Variants in ESR1 observed in about 807,000 individuals in gnomAD.
ESR1 encodes the protein estrogen receptor.
In ESR1, 12 loss-of-function variants were observed where a neutral mutation model predicts 52.7. The observed-to-expected ratio is 0.23, with a 90% confidence interval of 0.15 to 0.37. The LOEUF is 0.37. Ranked by LOEUF, ESR1 falls within the 10% of genes least tolerant of loss-of-function variation. The pLI, the probability that ESR1 is intolerant of heterozygous loss-of-function variation, is 1.00. For missense variants in ESR1, 584 were observed against 779.7 expected (o/e 0.75, Z 2.99); for synonymous variants, 305 against 316.8 (o/e 0.96, Z 0.39).
intron 3 of ESR1, among the ~76,000 whole-genome samples, chr6:151,931,496 C>T (rs944406637): frequency 1.3e-5 from 2 of 151,772 alleles, no homozygotes; most frequent in African/African-American, 4.8e-5. Context: ...TACATGTGCA[C>T]ATTGTGCAGG....
chr6:151,779,807 AATGTGGCGCGT>A, intron 2 of ESR1, among the ~76,000 whole-genome samples: 1 of 131,876 alleles, frequency 7.6e-6, no homozygotes. Flanking sequence ...GAATAAAGAA[AATGTGGCGCGT>A]GAACCCGGGA....
chr6:151,997,272 A>C (rs2041579698), intron 4 of ESR1, among the ~76,000 whole-genome samples: 1 of 152,146 alleles, frequency 6.6e-6, no homozygotes, highest in Non-Finnish European at 1.5e-5. Flanking sequence ...AAATCCATTC[A>C]ATCAACACTG....
In ESR1 at chr6:151,834,662, A is replaced by T. The variant is rs895135442; in HGVS notation, c.453-7935A>T. On this transcript the variant is annotated intron_variant, in intron 1 of 7. Transcript: ENST00000206249. ...GTGTATACCTATGTAACAAACTTGC[A>T]CATTCTGCACATGTATCCCAGAACT... Among the ~76,000 whole-genome samples the T allele has an allele frequency of 3.9e-5, 6 of 152,276 alleles. 1 individual carries two copies. Among genetic ancestry groups the T allele is most frequent in the East Asian group, 1.9e-4 (1 of 5,186 alleles).
At chr6:152,063,297 T>C (rs1426266830) in intron 6 of ESR1, among the ~76,000 whole-genome samples, 1 of 152,216 alleles carries the variant, frequency 6.6e-6, no homozygotes, top group East Asian at 1.9e-4. Context: ...TAGTTTATAG[T>C]TGTCTTTTTC....
At chr6:151,930,927 C>T (rs1237033827) in intron 3 of ESR1, among the ~76,000 whole-genome samples, 1 of 152,092 alleles carries the variant, frequency 6.6e-6, no homozygotes, top group Non-Finnish European at 1.5e-5. Flanking sequence ...AGGTGCTTCC[C>T]TGCCCTGGCT....
intron 6 of ESR1, among the ~76,000 whole-genome samples, chr6:152,064,954 A>G (rs1195964754): frequency 2.0e-5 from 3 of 152,180 alleles, no homozygotes; most frequent in Non-Finnish European, 4.4e-5. Context: ...GTTATTGTGG[A>G]TAAGGGGGAA....
At chr6:151,753,534 T>G (rs1409372541) in intron 2 of ESR1, among the ~76,000 whole-genome samples, 1 of 152,084 alleles carries the variant, frequency 6.6e-6, no homozygotes, top group Admixed American at 6.6e-5. Context: ...ACTAGGGTGG[T>G]CTCAAACTCC....
intron 1 of ESR1, among the ~76,000 whole-genome samples, chr6:151,820,349 A>C (rs1185150430): frequency 6.6e-6 from 1 of 152,224 alleles, no homozygotes; most frequent in African/African-American, 2.4e-5. Context: ...CAGAGAAATA[A>C]CTTAAAGAAC....
intron 2 of ESR1, among the ~76,000 whole-genome samples, 157 bp from the exon 3 acceptor site, chr6:151,880,498 G>GCACT (rs1252018308): frequency 6.6e-6 from 1 of 152,068 alleles, no homozygotes; most frequent in Non-Finnish European, 1.5e-5. Flanking sequence ...GGTTTTGTTT[G>GCACT]CACTTCAAGA....
chr6:151,673,415 C>T (rs529673981), intron 1 of ESR1, among the ~76,000 whole-genome samples: 1 of 152,300 alleles, frequency 6.6e-6, no homozygotes, highest in South Asian at 2.1e-4. Context: ...CATAATCTCT[C>T]TATCTTGTTT....
At chr6:151,880,275 C>A (rs1311817078) in intron 2 of ESR1, among the ~76,000 whole-genome samples, 1 of 150,438 alleles carries the variant, frequency 6.6e-6, no homozygotes, top group Non-Finnish European at 1.5e-5. Flanking sequence ...CTCCGCCTCC[C>A]GGGTTCAAGC....
intron 2 of ESR1, among the ~76,000 whole-genome samples, chr6:151,853,271 T>C (rs528532869): frequency 1.3e-5 from 2 of 151,296 alleles, no homozygotes; most frequent in Non-Finnish European, 2.9e-5. Flanking sequence ...ATTGGTAAAT[T>C]TGCTAGGTGT....
rs144580099 is a variant in ESR1 at position 151,734,116 on chromosome 6, G to A, written c.-71+32111G>A. 3.3e-4 allele frequency among the ~76,000 whole-genome samples: 51 copies of A among 152,294 alleles called. 1 individual carries two copies. The highest frequency in any genetic ancestry group is 1.2e-3 in the African/African-American group (51 of 41,568). On this transcript the variant is annotated intron_variant, in intron 2 of 2. Coordinates refer to the ESR1 transcript ENST00000404742. ...GCAGAAATGGAAGTTTTAATTGGCT[G>A]TAGGATTGAAGGGTTGGTTTGGTGC...
chr6:151,968,158 C>A (rs531131336), intron 4 of ESR1, among the ~76,000 whole-genome samples: 206 of 152,090 alleles, frequency 1.4e-3, no homozygotes, highest in African/African-American at 4.5e-3. Flanking sequence ...CGGACAAAAA[C>A]AAGAAATGGG....
At chr6:151,963,095 C>T (rs892731873) in intron 4 of ESR1, among the ~76,000 whole-genome samples, 18 of 152,206 alleles carry the variant, frequency 1.2e-4, no homozygotes, top group Non-Finnish European at 7.4e-5. Context: ...TTCCTTCCCC[C>T]CTCCCTCCCT....
intron 2 of ESR1, among the ~76,000 whole-genome samples, chr6:151,713,905 T>G (rs1780821499): frequency 6.6e-6 from 1 of 152,178 alleles, no homozygotes; most frequent in Non-Finnish European, 1.5e-5. Flanking sequence ...TTGCTCTTGC[T>G]TCTCTAGTTC....
chr6:152,086,433 TAATA>T (rs1236199709), intron 6 of ESR1, among the ~76,000 whole-genome samples: 1 of 148,290 alleles, frequency 6.7e-6, no homozygotes, highest in Non-Finnish European at 1.5e-5. Context: ...TATTAATAAT[TAATA>T]TTTAAATAAA....
At chr6:151,886,169 C>T (rs533555582) in intron 3 of ESR1, among the ~76,000 whole-genome samples, 15 of 151,384 alleles carry the variant, frequency 9.9e-5, no homozygotes, top group Admixed American at 2.6e-4. Flanking sequence ...CTTTTCTGAT[C>T]TCATATGCTG....
At chr6:151,871,473 G>A (rs531250300) in intron 2 of ESR1, among the ~76,000 whole-genome samples, 174 of 151,988 alleles carry the variant, frequency 1.1e-3, no homozygotes, top group African/African-American at 3.6e-3. Context: ...GTGCAATCTC[G>A]GCTCACTGCA....
Sources: allele counts gnomAD v4.1 joint callset (sites outside exome capture counted in the v4.1 genomes callset), GRCh38; gene constraint gnomAD v4.1.1; transcripts MANE v1.5; gene names NCBI Gene and HGNC (gene_info 2026-07-23, HGNC 2026-07-21).